LINS1: variants seen among roughly 807,000 people sequenced by gnomAD.
The protein encoded by LINS1 is protein Lines homolog 1.
LINS1 carries 27 observed loss-of-function variants against 41.6 expected under a neutral mutation model. The ratio of observed to expected loss-of-function variants is 0.65; its 90% confidence interval spans 0.48 to 0.89. The LOEUF (loss-of-function observed/expected upper bound fraction) is 0.89, where lower values mean the gene tolerates loss of function less well. Ranked by LOEUF, LINS1 falls within the 40% of genes least tolerant of loss-of-function variation. The probability of loss-of-function intolerance (pLI) is 0.00; values close to 1 mark genes in which losing one functional copy is unlikely to be tolerated. For missense variants in LINS1, 955 were observed against 884.1 expected (o/e 1.08, Z -1.02); for synonymous variants, 336 against 312.9 (o/e 1.07, Z -0.78).
Position 100,582,493 on chromosome 15 carries a change from T to C in LINS1, c.-103-1548A>G, listed in dbSNP as rs57407779. Among the ~76,000 whole-genome samples, 11 of 123,398 alleles carry C rather than the reference T, an allele frequency of 8.9e-5. 2 individuals carry two copies. The highest frequency in any genetic ancestry group is 5.8e-4 in the South Asian group (2 of 3,448). The allele number at this position is 123,398 out of a possible 152,430, so 81.0% of individuals were successfully genotyped here. A position where few individuals can be genotyped will look rare whatever the true frequency, so the allele number is the denominator to read the frequency against. ...AGTCTTGGTCTTACATTGGGTCTTC[T>C]GTCTACACTATGGCCCACCAGCCTA... On this transcript the variant is annotated intron_variant, in intron 1 of 6. Transcript: ENST00000314742.
Position 100,567,862 on chromosome 15 carries a change from T to A in LINS1, c.*1376A>T, listed in dbSNP as rs1181112183. ...GCAACCTTCTATTTAGCTCCACTGATTTTTCCATGTCTACCTGAATTAAGT... is the reference window on the plus strand; with the variant it reads ...GCAACCTTCTATTTAGCTCCACTGAATTTTCCATGTCTACCTGAATTAAGT... On this transcript the variant is annotated 3_prime_UTR_variant, in exon 7 of 7. Coordinates refer to ENST00000314742, the MANE Select transcript of LINS1 (RefSeq NM_001040616.3). The A allele has an allele frequency of 6.6e-6, 1 of 152,230 alleles. No homozygotes were observed. Among genetic ancestry groups the A allele is most frequent in the Non-Finnish European group, 1.5e-5 (1 of 68,044 alleles). The allele number at this position is 152,230 out of a possible 1,614,324, so 9.4% of individuals were successfully genotyped here.
In LINS1 at chr15:100,574,175, G is replaced by C. The variant is rs561884489; in HGVS notation, c.698C>G (p.Ser233Cys). Residue 233 changes from serine (S) to cysteine (C), a missense_variant, in exon 5 of 7, where the codon TCT becomes TGT. By Grantham distance (112) the Ser-to-Cys change is moderately radical. Coordinates refer to ENST00000314742, the MANE Select transcript of LINS1 (RefSeq NM_001040616.3). ...ATCCCGGCAGTTTTCAAAATGCTGA[G>C]AGAATAAGGAATTGTAAAACACTTC... ...IFEVFYNSLF[S>C]QHFENCRDTS... 2 of 1,613,728 alleles carry C rather than the reference G, an allele frequency of 1.2e-6. No homozygotes were observed. Among genetic ancestry groups the C allele is most frequent in the Admixed American group, 1.7e-5 (1 of 60,004 alleles).
At chr15:100,600,039 C>A (rs1238746974) in intron 1 of LINS1, among the ~76,000 whole-genome samples, 1 of 152,168 alleles carries the variant, frequency 6.6e-6, no homozygotes, top group Non-Finnish European at 1.5e-5. Context: ...GTACTCCAGC[C>A]TGGGCGACAG....
At chr15:100,588,846 GT>G (rs2038918690) in intron 1 of LINS1, among the ~76,000 whole-genome samples, 1 of 152,204 alleles carries the variant, frequency 6.6e-6, no homozygotes, top group African/African-American at 2.4e-5. Flanking sequence ...GATGGTCTGT[GT>G]AAGTCATGAA....
At chr15:100,578,065 A>T (rs2038295413) in intron 3 of LINS1, among the ~76,000 whole-genome samples, 1 of 152,182 alleles carries the variant, frequency 6.6e-6, no homozygotes, top group Non-Finnish European at 1.5e-5. Context: ...TAAAACCATA[A>T]AAACCCTAGA....
At chr15:100,573,553 T>C (rs1206229076) in intron 5 of LINS1, 98 bp downstream of exon 5, 3 of 872,022 alleles carry the variant, frequency 3.4e-6, no homozygotes, top group Non-Finnish European at 5.4e-6. Context: ...CAGCTTAAAT[T>C]ACTGGAATTT....
Position 100,569,846 on chromosome 15 carries a change from T to C in LINS1, c.1666A>G (p.Ile556Val). Residue 556 changes from isoleucine to valine, a missense_variant, in exon 7 of 7, where the codon ATT (isoleucine) becomes GTT (valine). Ile to Val is a conservative substitution (Grantham distance 29, BLOSUM62 3). Transcript: ENST00000314742. Reference sequence around the variant, plus strand: ...ACAAGTGAGGGGACACAGCCACAAATACTTATGTCATATTTAGATTCAGTT... The same window carrying C: ...ACAAGTGAGGGGACACAGCCACAAACACTTATGTCATATTTAGATTCAGTT... ...DATESKYDIS[I>V]CGCVPSLVQD... 2 of 1,614,228 alleles carry C rather than the reference T, an allele frequency of 1.2e-6. No individual in the cohort carries two copies. The highest frequency in any genetic ancestry group is 1.7e-6 in the Non-Finnish European group (2 of 1,180,034).
At chr15:100,573,482 G>T in intron 5 of LINS1, 169 bp downstream of exon 5, 1 of 837,322 alleles carries the variant, frequency 1.2e-6, no homozygotes, top group Non-Finnish European at 1.7e-6. Flanking sequence ...GTTTCTTAAA[G>T]GTAAATCCAG....
chr15:100,567,946 T>A lies in LINS1; in HGVS notation c.*1292A>T. On this transcript the variant is annotated 3_prime_UTR_variant, in exon 7 of 7. Transcript: ENST00000314742. ...ATATTTTAATGTGCGGTAGGTTTAGTCTTTGTTCTGTTTCTCTGCAAAGAG... is the reference window on the plus strand; with the variant it reads ...ATATTTTAATGTGCGGTAGGTTTAGACTTTGTTCTGTTTCTCTGCAAAGAG... 1 of 151,714 alleles carries A rather than the reference T, an allele frequency of 6.6e-6. No individual in the cohort carries two copies. Among genetic ancestry groups the A allele is most frequent in the East Asian group, 1.9e-4 (1 of 5,178 alleles). The allele number at this position is 151,714 out of a possible 1,614,324, so 9.4% of individuals were successfully genotyped here.
rs901861301 is a variant in LINS1 at position 100,568,081 on chromosome 15, C to T, written c.*1157G>A. 1.1e-4 allele frequency: 17 copies of T among 152,068 alleles called. No homozygotes were observed. The highest frequency in any genetic ancestry group is 1.9e-4 in the East Asian group (1 of 5,196). 9.4% of individuals were successfully genotyped at this position (152,068 alleles called of 1,614,324 possible). A position where few individuals can be genotyped will look rare whatever the true frequency, so the allele number is the denominator to read the frequency against. On this transcript the variant is annotated 3_prime_UTR_variant, in exon 7 of 7. Coordinates refer to ENST00000314742, the MANE Select transcript of LINS1 (RefSeq NM_001040616.3). ...CACAAACATATTACAATGGAATTTA[C>T]GGCTTCCCCTCAAGAATATGGAACA...
In LINS1 at chr15:100,569,647, GC is replaced by G; in HGVS notation, c.1864del (p.Ala622ProfsTer6). On this transcript the variant is annotated frameshift_variant, in exon 7 of 7. Coordinates refer to ENST00000314742, the MANE Select transcript of LINS1 (RefSeq NM_001040616.3). LOFTEE classifies it low-confidence loss of function (END_TRUNC). ...GTCGTAATCTACCAGACTTTGAGAG[GC>G]CCGGGGGGAAGACAGACTAGAAGCA... ...MCASSLSSPR[A>X]SQSLVDYDSS... is the part of the protein sequence containing the mutation. 6.2e-7 allele frequency: 1 copy of G among 1,613,212 alleles called. No homozygotes were observed. The highest frequency in any genetic ancestry group is 8.5e-7 in the Non-Finnish European group (1 of 1,179,352).
intron 1 of LINS1, among the ~76,000 whole-genome samples, chr15:100,583,760 C>G (rs1329711775): frequency 6.6e-6 from 1 of 152,202 alleles, no homozygotes; most frequent in Non-Finnish European, 1.5e-5. Flanking sequence ...ATTATGAACA[C>G]TCTCCCTATT....
intron 1 of LINS1, among the ~76,000 whole-genome samples, chr15:100,596,389 G>A (rs189773862): frequency 4.7e-5 from 7 of 148,758 alleles, no homozygotes; most frequent in Admixed American, 2.7e-4. Context: ...ACTCTGTCAC[G>A]TGTTTGTAAA....
chr15:100,570,040 G>A lies in LINS1; in HGVS notation c.1472C>T (p.Pro491Leu), dbSNP rs1321376075. The change falls in exon 7 of 7, where the codon CCT becomes CTT. Residue 491 changes from proline (P) to leucine (L), a missense_variant. Transcript: ENST00000314742. ...CAAGAAGAACAAGAAAATACAGTGA[G>A]GATTATAGCCATTTTCATGTGTGTG... Reference protein sequence around the residue: ...DHHTHENGYNPHCIFLFFLKN... With the variant: ...DHHTHENGYNLHCIFLFFLKN... 1 of 1,562,330 alleles carries A rather than the reference G, an allele frequency of 6.4e-7. No individual in the cohort carries two copies. The highest frequency in any genetic ancestry group is 8.6e-7 in the Non-Finnish European group (1 of 1,161,926).
chr15:100,582,587 G>T (rs1018049428), intron 1 of LINS1, among the ~76,000 whole-genome samples: 65 of 136,846 alleles, frequency 4.7e-4, no homozygotes, highest in African/African-American at 7.1e-4. Context: ...CTTATACTGG[G>T]TCTTCCATCT....
At chr15:100,601,578 G>A (rs933587889) in intron 1 of LINS1, among the ~76,000 whole-genome samples, 2 of 151,722 alleles carry the variant, frequency 1.3e-5, no homozygotes, top group Admixed American at 1.3e-4. Context: ...AGCCCATCAC[G>A]TCCTGGTCAA....
chr15:100,580,098 G>A (rs758214380), intron 3 of LINS1, among the ~76,000 whole-genome samples, 165 bp downstream of exon 3: 43 of 152,068 alleles, frequency 2.8e-4, no homozygotes, highest in Non-Finnish European at 5.4e-4. Flanking sequence ...CACGGCTCTC[G>A]TCTTTAATCC....
At chr15:100,581,946 T>G (rs2038564275) in intron 1 of LINS1, among the ~76,000 whole-genome samples, 1 of 152,258 alleles carries the variant, frequency 6.6e-6, no homozygotes, top group Non-Finnish European at 1.5e-5. Flanking sequence ...CTTTGATACT[T>G]GGTCATTTTA....
intron 1 of LINS1, chr15:100,596,889 C>T (rs1242919174): frequency 2.6e-5 from 4 of 152,190 alleles, no homozygotes; most frequent in African/African-American, 7.2e-5. Flanking sequence ...CTGGGGAAAC[C>T]GCCCACTCCC....
Sources: gnomAD v4.1 joint callset for allele counts (sites outside exome capture counted in the v4.1 genomes callset) on GRCh38, gnomAD v4.1.1 for gene constraint, MANE v1.5 for transcripts, NCBI Gene and HGNC (gene_info 2026-07-23, HGNC 2026-07-21) for gene names.